KLF13: variants seen among roughly 807,000 people sequenced by gnomAD.
The protein encoded by KLF13 is KLF transcription factor 13, also known as Krueppel-like factor 13.
In KLF13, 8 loss-of-function variants were observed where a neutral mutation model predicts 16.7. That is an observed-to-expected ratio of 0.48 (90% CI 0.28 to 0.87). KLF13 has a LOEUF of 0.87. Ranked by LOEUF, KLF13 falls within the 40% of genes least tolerant of loss-of-function variation. The pLI is 0.10. For synonymous variants in KLF13, 245 were observed against 208.4 expected (o/e 1.18, Z -1.51); for missense variants, 447 against 452.2 (o/e 0.99, Z 0.10).
chr15:31,400,030 G>A (rs2040012107), intron 2 of KLF13, among the ~76,000 whole-genome samples: 2 of 152,196 alleles, frequency 1.3e-5, no homozygotes, highest in Admixed American at 1.3e-4. Context: ...GCTGCCGTCA[G>A]CACTGCTTGG....
At chr15:31,371,417 GGTCACTTT>G (rs1021546130) in intron 1 of KLF13, among the ~76,000 whole-genome samples, 1 of 152,348 alleles carries the variant, frequency 6.6e-6, no homozygotes, top group African/African-American at 2.4e-5. Context: ...GTCCCTGGTT[GGTCACTTT>G]GGGACTTTTG....
intron 1 of KLF13, among the ~76,000 whole-genome samples, chr15:31,353,821 C>T (rs1402528530): frequency 6.6e-6 from 1 of 151,894 alleles, no homozygotes; most frequent in African/African-American, 2.4e-5. Flanking sequence ...CCCTTCCCCT[C>T]TCTCACCGAG....
At chr15:31,408,778 A>G (rs913658351), downstream of KLF13, among the ~76,000 whole-genome samples, 18 of 152,204 alleles carry the variant, frequency 1.2e-4, no homozygotes, top group African/African-American at 4.3e-4. Flanking sequence ...CTAAAGGAAA[A>G]GCCGGTAACA....
chr15:31,409,577 A>G (rs894797018), downstream of KLF13, among the ~76,000 whole-genome samples: 5 of 152,148 alleles, frequency 3.3e-5, no homozygotes, highest in Non-Finnish European at 7.3e-5. Context: ...ACACTTACGT[A>G]TGTCATATTC....
chr15:31,379,623 C>T (rs770885426), downstream of KLF13, among the ~76,000 whole-genome samples: 1 of 152,172 alleles, frequency 6.6e-6, no homozygotes, highest in African/African-American at 2.4e-5. Flanking sequence ...TAGATTTTCC[C>T]GGCTTTTGAA....
intron 1 of KLF13, among the ~76,000 whole-genome samples, chr15:31,360,564 C>A (rs975865121): frequency 1.3e-5 from 2 of 152,166 alleles, no homozygotes; most frequent in African/African-American, 4.8e-5. Context: ...AGACCGAGAG[C>A]CCCTGGTGGC....
chr15:31,428,833 A>AAAAAGG (rs2040433776), intron 1 of KLF13, among the ~76,000 whole-genome samples: 1 of 150,642 alleles, frequency 6.6e-6, no homozygotes, highest in African/African-American at 2.4e-5. Context: ...AAAGAAAAAG[A>AAAAAGG]AAAAGAAATG....
intron 1 of KLF13, among the ~76,000 whole-genome samples, chr15:31,370,249 C>T (rs1488161968): frequency 2.6e-5 from 4 of 151,956 alleles, no homozygotes; most frequent in Non-Finnish European, 4.4e-5. Flanking sequence ...TACCCACACA[C>T]GGCCCCTGCT....
chr15:31,383,743 G>A (rs143586049), intron 1 of KLF13, among the ~76,000 whole-genome samples: 5,076 of 151,744 alleles, frequency 0.033, 136 homozygotes, highest in African/African-American at 0.077. Flanking sequence ...TACTAAAAAT[G>A]CAAAAAAAAT....
chr15:31,415,123 C>T (rs181672668), intron 1 of KLF13, among the ~76,000 whole-genome samples: 3 of 152,162 alleles, frequency 2.0e-5, no homozygotes, highest in Non-Finnish European at 4.4e-5. Flanking sequence ...TCTCTGTACA[C>T]GTCCGCTCCC....
intron 1 of KLF13, among the ~76,000 whole-genome samples, chr15:31,416,995 T>C (rs1382093991): frequency 6.6e-6 from 1 of 152,124 alleles, no homozygotes; most frequent in Non-Finnish European, 1.5e-5. Context: ...TTAATGGCAA[T>C]GTTATGAGTA....
At chr15:31,413,208 AAC>A (rs2040217780) in intron 1 of KLF13, among the ~76,000 whole-genome samples, 1 of 150,774 alleles carries the variant, frequency 6.6e-6, no homozygotes, top group South Asian at 2.1e-4. Flanking sequence ...AAAAACAAAA[AAC>A]AAAAAAACCA....
At chr15:31,406,660 A>C (rs2140998087), downstream of KLF13, among the ~76,000 whole-genome samples, 1 of 152,350 alleles carries the variant, frequency 6.6e-6, no homozygotes, top group Non-Finnish European at 1.5e-5. Flanking sequence ...CAGAAGTCCT[A>C]AAATCAAGGT....
chr15:31,346,993 G>T (rs142181499), intron 1 of KLF13, among the ~76,000 whole-genome samples: 1 of 152,184 alleles, frequency 6.6e-6, no homozygotes, highest in Non-Finnish European at 1.5e-5. Context: ...CATGGGTGAG[G>T]ACCTCAGTTC....
In KLF13 at chr15:31,422,841, C is replaced by T. The variant is rs112157178; in HGVS notation, n.118-12529C>T. On this transcript the variant is annotated intron_variant and non_coding_transcript_variant, in intron 1 of 1. Coordinates refer to the KLF13 transcript ENST00000558225. ...CCTGTGGACAGGAGTTTGAGACCAG[C>T]CTGGCCAACATGGCAAAACCCTGTC... 3.9e-3 allele frequency among the ~76,000 whole-genome samples: 595 copies of T among 151,898 alleles called. 3 individuals are homozygous for T. The highest frequency in any genetic ancestry group is 6.6e-3 in the Non-Finnish European group (447 of 67,944).
downstream of KLF13, among the ~76,000 whole-genome samples, chr15:31,378,160 G>A (rs572963670): frequency 1.7e-3 from 262 of 152,272 alleles, 1 homozygote; most frequent in Non-Finnish European, 1.9e-3. Context: ...GAAAGAGCAC[G>A]GAGGAGAACG....
At chr15:31,396,240 C>G (rs144865639) in intron 2 of KLF13, among the ~76,000 whole-genome samples, 264 of 152,276 alleles carry the variant, frequency 1.7e-3, no homozygotes, top group African/African-American at 6.2e-3. Context: ...TCAGGTTGCT[C>G]TCAAACTCCC....
intron 2 of KLF13, among the ~76,000 whole-genome samples, chr15:31,398,777 C>T (rs941920950): frequency 3.9e-5 from 6 of 152,104 alleles, no homozygotes; most frequent in Admixed American, 1.3e-4. Flanking sequence ...ATGCACGGTG[C>T]CCTCCTCCCT....
At chr15:31,391,419 G>A (rs1159622453), upstream of KLF13, among the ~76,000 whole-genome samples, 2 of 125,064 alleles carry the variant, frequency 1.6e-5, no homozygotes, top group Non-Finnish European at 3.4e-5. Flanking sequence ...GTGGAGGGGG[G>A]ATCTCTGTTG....
Sources: gnomAD v4.1 joint callset for allele counts (sites outside exome capture counted in the v4.1 genomes callset) on GRCh38, gnomAD v4.1.1 for gene constraint, MANE v1.5 for transcripts, NCBI Gene and HGNC (gene_info 2026-07-23, HGNC 2026-07-21) for gene names.